The following SVEP1 variants were observed in gnomAD, a reference collection of about 807,000 sequenced individuals.
SVEP1 encodes the protein sushi, von Willebrand factor type A, EGF and pentraxin domain-containing protein 1.
Under a neutral mutation model 367.3 loss-of-function variants are expected in SVEP1, and 164 were observed. That is an observed-to-expected ratio of 0.45 (90% CI 0.39 to 0.51). The LOEUF is 0.51. Ranked by LOEUF, SVEP1 falls within the 20% of genes least tolerant of loss-of-function variation. The pLI is 0.00. For synonymous variants in SVEP1, 1,666 were observed against 1,611.6 expected (o/e 1.03, Z -0.81); for missense variants, 4,117 against 4,425.3 (o/e 0.93, Z 1.98).
chr9:110,397,470 C>T (rs953782612), intron 40 of SVEP1, among the ~76,000 whole-genome samples: 8 of 152,138 alleles, frequency 5.3e-5, no homozygotes, highest in Non-Finnish European at 1.0e-4. Context: ...TCCTATTCAA[C>T]ATAGTGTTGG....
chr9:110,553,084 A>G (rs978677108), intron 1 of SVEP1, among the ~76,000 whole-genome samples: 6 of 152,158 alleles, frequency 3.9e-5, no homozygotes, highest in Non-Finnish European at 5.9e-5. Context: ...AGACATGCGG[A>G]TGACCAACAA....
chr9:110,401,317 C>A (rs549537013), intron 39 of SVEP1, among the ~76,000 whole-genome samples: 4 of 151,858 alleles, frequency 2.6e-5, no homozygotes, highest in African/African-American at 7.2e-5. Context: ...TTATAATGCA[C>A]GAGAACTGGA....
At chr9:110,554,449 T>C (rs1830331281) in intron 1 of SVEP1, among the ~76,000 whole-genome samples, 1 of 152,142 alleles carries the variant, frequency 6.6e-6, no homozygotes. Context: ...GGTCTCCAAA[T>C]ACTATTACCC....
rs989203961 is a variant in SVEP1, at chr9:110,472,240, T to G, written c.2683A>C (p.Ile895Leu). 3.5e-5 allele frequency: 57 copies of G among 1,613,586 alleles called. No individual in the cohort carries two copies. Among genetic ancestry groups the G allele is most frequent in the Non-Finnish European group, 4.8e-5 (57 of 1,179,832 alleles). Reference protein sequence around the residue: ...LDTVQETATSIGNAKSSRIKR... With the variant: ...LDTVQETATSLGNAKSSRIKR... ...ATCCGTGAGGACTTGGCATTGCCGA[T>G]GCTTGTGGCTGTTTCTTGCACAGTG... Residue 895 changes from isoleucine (I) to leucine (L), a missense_variant, in exon 15 of 48, where the codon ATC becomes CTC. Ile to Leu is a conservative substitution (Grantham distance 5, BLOSUM62 2). Around this residue, in one of 4 missense-constraint regions of SVEP1, gnomAD observed 2,174 missense variants for 2,494.3 expected, o/e 0.87. Transcript: ENST00000374469.
chr9:110,443,746 T>G (rs1263189779), intron 26 of SVEP1, 26 bp from the exon 27 acceptor site: 5 of 1,544,000 alleles, frequency 3.2e-6, no homozygotes, highest in African/African-American at 2.8e-5. Flanking sequence ...TTCCAGGGAA[T>G]GTAGTCATTA....
chr9:110,449,803 G>A (rs897045997), intron 24 of SVEP1, among the ~76,000 whole-genome samples: 2 of 152,192 alleles, frequency 1.3e-5, no homozygotes, highest in Non-Finnish European at 2.9e-5. Context: ...TAGAACGTTA[G>A]TTCCCAAACA....
intron 45 of SVEP1, 38 bp downstream of exon 45, chr9:110,377,233 T>C (rs750424511): frequency 1.3e-6 from 2 of 1,592,990 alleles, no homozygotes; most frequent in African/African-American, 1.3e-5. Flanking sequence ...TCCAGGCAAT[T>C]TGTCAGGACT....
chr9:110,470,682 C>T (rs182365205), intron 16 of SVEP1, among the ~76,000 whole-genome samples: 3 of 151,720 alleles, frequency 2.0e-5, no homozygotes, highest in Non-Finnish European at 4.4e-5. Context: ...GTGATCCTCC[C>T]GCCTTGGCCT....
At chr9:110,554,823 G>A (rs899590561) in intron 1 of SVEP1, among the ~76,000 whole-genome samples, 38 of 151,868 alleles carry the variant, frequency 2.5e-4, no homozygotes, top group African/African-American at 8.7e-4. Flanking sequence ...AATAATACTT[G>A]GAACAAAGTG....
At chr9:110,466,558 A>G (rs1233072209) in intron 17 of SVEP1, among the ~76,000 whole-genome samples, 1 of 151,782 alleles carries the variant, frequency 6.6e-6, no homozygotes, top group Non-Finnish European at 1.5e-5. Context: ...GGAGATCGAG[A>G]CCATCCCGGC....
chr9:110,443,783 G>T, intron 26 of SVEP1, 63 bp from the exon 27 acceptor site: 1 of 1,350,406 alleles, frequency 7.4e-7, no homozygotes, highest in Non-Finnish European at 9.7e-7. Flanking sequence ...CTTACTGTGG[G>T]GCATGCTACA....
At chr9:110,514,921 TGAGAAAGGATGAG>T (rs991800506) in intron 3 of SVEP1, among the ~76,000 whole-genome samples, 7 of 152,072 alleles carry the variant, frequency 4.6e-5, no homozygotes, top group African/African-American at 1.4e-4. Context: ...TCACAGATCT[TGAGAAAGGATGAG>T]GAGAAAGTGA....
intron 3 of SVEP1, among the ~76,000 whole-genome samples, chr9:110,526,352 A>G (rs1249253750): frequency 6.6e-6 from 1 of 152,112 alleles, no homozygotes; most frequent in African/African-American, 2.4e-5. Context: ...AAAAACAACA[A>G]TTAGACAATG....
At position 110,550,098 on chromosome 9, in the gene SVEP1, G is replaced by T; in HGVS notation, c.538C>A (p.Leu180Ile). Residue 180 changes from leucine to isoleucine, a missense_variant, in exon 2 of 48, where the codon CTT becomes ATT. Leu to Ile is a conservative substitution (Grantham distance 5). Transcript: ENST00000374469. ...GTTGAGTTTTCTCTAGCATGAAGAA[G>T]AATTTGCTGTAATGAAATGGGGAAA... Reference protein sequence around the residue: ...KGAFQQAAQILLHARENSTKV... With the variant: ...KGAFQQAAQIILHARENSTKV... The T allele has an allele frequency of 6.2e-7, 1 of 1,613,734 alleles. No individual in the cohort carries two copies. The highest frequency in any genetic ancestry group is 8.5e-7 in the Non-Finnish European group (1 of 1,179,630).
intron 3 of SVEP1, among the ~76,000 whole-genome samples, chr9:110,538,607 G>T (rs1830107142): frequency 6.6e-6 from 1 of 152,102 alleles, no homozygotes; most frequent in Non-Finnish European, 1.5e-5. Context: ...TTTCGATAGT[G>T]TTTCCTCCTT....
rs150310851 is a variant in SVEP1 at position 110,573,952 on chromosome 9, G to A, written c.531+5061C>T. On this transcript the variant is annotated intron_variant, in intron 1 of 47. Coordinates refer to ENST00000374469, the MANE Select transcript of SVEP1 (RefSeq NM_153366.4). ...CTTGCACTCTTTGAAGAGTGCTAGG[G>A]GGTGGTTCTGAAGAGACTATGTCTA... is the stretch of plus-strand genomic sequence containing the variant. Among the ~76,000 whole-genome samples, 1,329 of 152,222 alleles carry A rather than the reference G, an allele frequency of 8.7e-3. 33 individuals are homozygous for A. The highest frequency in any genetic ancestry group is 0.01 in the Middle Eastern group (3 of 294).
intron 8 of SVEP1, among the ~76,000 whole-genome samples, chr9:110,494,974 A>G (rs1400704952): frequency 1.3e-5 from 2 of 152,174 alleles, no homozygotes; most frequent in African/African-American, 2.4e-5. Flanking sequence ...TAATCCTAGT[A>G]TATTTCTCTG....
At chr9:110,439,967 A>G (rs775294032) in intron 27 of SVEP1, among the ~76,000 whole-genome samples, 3 of 152,180 alleles carry the variant, frequency 2.0e-5, no homozygotes, top group Non-Finnish European at 2.9e-5. Context: ...TTTTTTAACC[A>G]GAAAATAAAT....
chr9:110,455,952 A>G (rs1828770431), intron 21 of SVEP1, among the ~76,000 whole-genome samples: 1 of 152,234 alleles, frequency 6.6e-6, no homozygotes. Context: ...GAAGTGGGGT[A>G]GGAGCACTTG....
Sources: gnomAD v4.1 joint callset for allele counts (sites outside exome capture counted in the v4.1 genomes callset) on GRCh38, gnomAD v4.1.1 for gene constraint, gnomAD v4.1.1 regional missense constraint, MANE v1.5 for transcripts, NCBI Gene and HGNC (gene_info 2026-07-23, HGNC 2026-07-21) for gene names.